The following STPG2 variants were observed in gnomAD, a reference collection of about 807,000 sequenced individuals.
STPG2 encodes the protein sperm tail PG-rich repeat containing 2, also known as sperm-tail PG-rich repeat-containing protein 2.
A neutral mutation model predicts 54.2 loss-of-function variants in STPG2; 56 were observed. The observed-to-expected ratio is 1.03, with a 90% CI of 0.83 to 1.29. STPG2 has a LOEUF of 1.29. STPG2 is among the 50% of genes most tolerant of loss of function. The probability of loss-of-function intolerance (pLI) is 0.00; values close to 1 mark genes in which losing one functional copy is unlikely to be tolerated. For synonymous variants in STPG2, 200 were observed against 181.8 expected, an observed-to-expected ratio of 1.10 and a Z score of -0.81; for missense variants, 596 against 544.9, an observed-to-expected ratio of 1.09 and a Z score of -0.93.
At chr4:97,454,594 C>T (rs186572883) in intron 4 of STPG2, among the ~76,000 whole-genome samples, 1 of 106,340 alleles carries the variant, frequency 9.4e-6, no homozygotes, top group Admixed American at 1.1e-4. Flanking sequence ...CTGGAATAAT[C>T]AGTTTTGTAT....
At chr4:97,920,122 C>A (rs971049310) in intron 8 of STPG2, among the ~76,000 whole-genome samples, 1 of 152,140 alleles carries the variant, frequency 6.6e-6, no homozygotes, top group African/African-American at 2.4e-5. Context: ...AATTGAGAGA[C>A]AAAACACTGA....
At chr4:98,110,585 A>G (rs1578174688) in intron 3 of STPG2, among the ~76,000 whole-genome samples, 2 of 152,248 alleles carry the variant, frequency 1.3e-5, no homozygotes, top group East Asian at 3.9e-4. Context: ...ATGCCAACAT[A>G]CAAAACCCAA....
At chr4:97,450,150 C>T (rs1158239385) in intron 4 of STPG2, among the ~76,000 whole-genome samples, 1 of 152,010 alleles carries the variant, frequency 6.6e-6, no homozygotes, top group African/African-American at 2.4e-5. Context: ...AGTCCGATTG[C>T]TTAGAAAAAT....
intron 4 of STPG2, among the ~76,000 whole-genome samples, chr4:97,537,622 G>A (rs1416048504): frequency 6.6e-6 from 1 of 152,150 alleles, no homozygotes; most frequent in Non-Finnish European, 1.5e-5. Context: ...CTGGGGGCAG[G>A]GCATAGCTGA....
At chr4:97,947,309 T>A (rs1733268940) in intron 7 of STPG2, among the ~76,000 whole-genome samples, 1 of 152,062 alleles carries the variant, frequency 6.6e-6, no homozygotes, top group Admixed American at 6.5e-5. Flanking sequence ...TTTTGAGAAA[T>A]CTCTAGGGTT....
chr4:97,739,372 A>C (rs1295476612), intron 9 of STPG2, among the ~76,000 whole-genome samples: 2 of 152,170 alleles, frequency 1.3e-5, no homozygotes, highest in Non-Finnish European at 2.9e-5. Flanking sequence ...TCAGAGCAGA[A>C]CTGAAGGAAA....
rs1730446771 is a variant in STPG2, at chr4:97,489,291, T to A, written c.462+223408A>T. Reference sequence around the variant, plus strand: ...CTTTATTGGCATTGTGAAAACAGACTAATACAGATGGATTAGATAGACAGA... The same window carrying A: ...CTTTATTGGCATTGTGAAAACAGACAAATACAGATGGATTAGATAGACAGA... On this transcript the variant is annotated intron_variant, in intron 4 of 4. Transcript: ENST00000522676. Among the ~76,000 whole-genome samples the A allele has an allele frequency of 2.0e-5, 3 of 151,686 alleles. No homozygotes were observed. In the South Asian group the frequency reaches 6.2e-4, roughly 31 times the overall value.
intron 1 of STPG2, among the ~76,000 whole-genome samples, chr4:98,138,635 T>C (rs1263528894): frequency 6.6e-6 from 1 of 152,090 alleles, no homozygotes; most frequent in East Asian, 1.9e-4. Flanking sequence ...AGCAATCACA[T>C]ACATATTATT....
Position 98,009,735 on chromosome 4 carries a change from G to C in STPG2, c.613-28417C>G, listed in dbSNP as rs143027460. Among the ~76,000 whole-genome samples, 266 of 151,988 alleles carry C rather than the reference G, an allele frequency of 1.8e-3. 2 individuals are homozygous for C. The highest frequency in any genetic ancestry group is 6.0e-3 in the African/African-American group (248 of 41,480). The stretch of plus-strand genomic sequence containing the variant: ...GCTGCCTATTTCTCCCTTGATATCT[G>C]TTAATATCAAATTATGTGCTCCAAT... On this transcript the variant is annotated intron_variant, in intron 5 of 10. Transcript: ENST00000295268.
At chr4:97,869,973 C>T (rs142431418) in intron 8 of STPG2, among the ~76,000 whole-genome samples, 1 of 151,478 alleles carries the variant, frequency 6.6e-6, no homozygotes, top group South Asian at 2.1e-4. Flanking sequence ...TAAATTACAT[C>T]TTCCTTCATT....
At chr4:97,997,376 G>A (rs754536683) in intron 5 of STPG2, among the ~76,000 whole-genome samples, 24 of 152,190 alleles carry the variant, frequency 1.6e-4, no homozygotes, top group Non-Finnish European at 3.4e-4. Flanking sequence ...GAAGGCAAAG[G>A]GGGAGTAGGC....
chr4:97,888,869 C>T (rs533770160), intron 8 of STPG2, among the ~76,000 whole-genome samples: 1 of 152,194 alleles, frequency 6.6e-6, no homozygotes, highest in Admixed American at 6.5e-5. Context: ...GACACATTTC[C>T]CATTTTGGTA....
chr4:97,839,914 A>G (rs1041547907), intron 9 of STPG2, among the ~76,000 whole-genome samples: 2 of 151,520 alleles, frequency 1.3e-5, no homozygotes, highest in Non-Finnish European at 3.0e-5. Flanking sequence ...ATTCATTACA[A>G]TGGTATGGTT....
At chr4:97,590,065 C>G (rs1733097834) in intron 10 of STPG2, among the ~76,000 whole-genome samples, 1 of 152,022 alleles carries the variant, frequency 6.6e-6, no homozygotes. Flanking sequence ...ATATTTAGCC[C>G]ATGAGTCATA....
intron 9 of STPG2, among the ~76,000 whole-genome samples, chr4:97,753,330 A>G (rs1422819447): frequency 6.6e-6 from 1 of 152,002 alleles, no homozygotes; most frequent in Non-Finnish European, 1.5e-5. Flanking sequence ...GAACTGTACA[A>G]TACTTGTCCT....
intron 8 of STPG2, among the ~76,000 whole-genome samples, chr4:97,867,164 G>A (rs867369900): frequency 2.6e-5 from 4 of 151,882 alleles, no homozygotes; most frequent in Non-Finnish European, 5.9e-5. Flanking sequence ...TTCTGTTTAA[G>A]CCTTTTAGAT....
chr4:97,938,088 T>G (rs895137942), intron 8 of STPG2, among the ~76,000 whole-genome samples: 3 of 151,836 alleles, frequency 2.0e-5, no homozygotes, highest in African/African-American at 7.3e-5. Context: ...CCGGCTGGAG[T>G]TGCTGGAGTT....
At chr4:97,739,162 C>G (rs1392245109) in intron 9 of STPG2, among the ~76,000 whole-genome samples, 16 of 151,934 alleles carry the variant, frequency 1.1e-4, no homozygotes, top group Middle Eastern at 3.4e-3. Context: ...TCTTTGAAAC[C>G]AACGAGAACA....
At chr4:97,537,760 T>C (rs1731572928) in intron 4 of STPG2, among the ~76,000 whole-genome samples, 1 of 152,168 alleles carries the variant, frequency 6.6e-6, no homozygotes, top group African/African-American at 2.4e-5. Context: ...AGTGGGTCCC[T>C]GACCCCTGAG....
Sources: gnomAD v4.1 joint callset for allele counts (sites outside exome capture counted in the v4.1 genomes callset) on GRCh38, gnomAD v4.1.1 for gene constraint, MANE v1.5 for transcripts, NCBI Gene and HGNC (gene_info 2026-07-23, HGNC 2026-07-21) for gene names.